VPS26C: variants seen among roughly 807,000 people sequenced by gnomAD.
VPS26C encodes the protein VPS26 endosomal protein sorting factor C.
VPS26C carries 19 observed loss-of-function variants against 30.6 expected under a neutral mutation model. That is an observed-to-expected ratio of 0.62 (90% confidence interval 0.43 to 0.91). The LOEUF (loss-of-function observed/expected upper bound fraction) is 0.91, where lower values mean the gene tolerates loss of function less well. Among genes scored for constraint, VPS26C ranks in the 40% least tolerant of loss-of-function variants. The probability of loss-of-function intolerance (pLI) is 0.00; values close to 1 mark genes in which losing one functional copy is unlikely to be tolerated. For synonymous variants in VPS26C, 132 were observed against 151.5 expected (o/e 0.87, Z 0.95); for missense variants, 318 against 385.1 (o/e 0.83, Z 1.46).
At chr21:37,253,847 T>A (rs2148303174) in intron 1 of VPS26C, among the ~76,000 whole-genome samples, 1 of 152,276 alleles carries the variant, frequency 6.6e-6, no homozygotes. Context: ...GATTTTTGGA[T>A]TAGGGATGCT....
Position 37,228,292 on chromosome 21 carries a change from G to T in VPS26C, c.589C>A (p.Leu197Met). The T allele has an allele frequency of 6.2e-7, 1 of 1,614,162 alleles. No homozygotes were observed. Residue 197 changes from leucine to methionine, a missense_variant, in exon 6 of 8, where the codon CTG (leucine) becomes ATG (methionine). Leu to Met is a conservative substitution (Grantham distance 15). Coordinates refer to ENST00000309117, the MANE Select transcript of VPS26C (RefSeq NM_006052.2). ...CVITQPLTGE[L>M]VVESSEAAIR... ...GCGGCTTCCGAGCTCTCCACCACCAGCTCTCCCGTTAGTGGCTGCGTGATG... is the reference window on the plus strand; with the variant it reads ...GCGGCTTCCGAGCTCTCCACCACCATCTCTCCCGTTAGTGGCTGCGTGATG...
chr21:37,266,792 C>G (rs2086367135), intron 1 of VPS26C: 1 of 194,338 alleles, frequency 5.1e-6, no homozygotes, highest in South Asian at 9.1e-5. Context: ...CCAGACATAC[C>G]CATTTCTGCT....
intron 2 of VPS26C, 79 bp downstream of exon 2, chr21:37,240,417 G>T (rs1317821337): frequency 1.8e-5 from 27 of 1,523,936 alleles, no homozygotes; most frequent in Non-Finnish European, 2.2e-5. Context: ...GAGCCACTGC[G>T]CCTGGCCCTG....
chr21:37,240,667 AAATTAGCATGC>A (rs761619689), intron 1 of VPS26C, 28 bp from the exon 2 acceptor site: 1 of 1,606,556 alleles, frequency 6.2e-7, no homozygotes, highest in South Asian at 1.1e-5. Flanking sequence ...GCCACCAATC[AAATTAGCATGC>A]TTCCTCCATT....
Position 37,265,756 on chromosome 21 carries a change from A to C in VPS26C, c.57+1482T>G, listed in dbSNP as rs569903474. Among the ~76,000 whole-genome samples, 5 of 152,212 alleles carry C rather than the reference A, an allele frequency of 3.3e-5. 1 individual carries two copies. In the South Asian group the frequency reaches 6.2e-4, roughly 19 times the overall value. On this transcript the variant is annotated intron_variant, in intron 1 of 7. Coordinates refer to ENST00000309117, the MANE Select transcript of VPS26C (RefSeq NM_006052.2). ...ATTAAACATTTTTGGCAGGAATACT[A>C]CATAGGTGAGTTGTGGCCTTCTCTG... is the stretch of plus-strand genomic sequence containing the variant.
intron 3 of VPS26C, 93 bp downstream of exon 3, chr21:37,238,367 C>A: frequency 4.9e-6 from 7 of 1,436,536 alleles, no homozygotes; most frequent in African/African-American, 1.4e-5. Flanking sequence ...GTATTAAATT[C>A]TTGGGCCCGT....
intron 3 of VPS26C, chr21:37,238,224 CAG>C (rs2086044945): frequency 2.0e-6 from 1 of 493,634 alleles, no homozygotes; most frequent in Admixed American, 3.9e-5. Context: ...CCAGAAGAAA[CAG>C]AGGGAAAAGA....
At chr21:37,267,429 G>A, upstream of VPS26C, 2 of 739,434 alleles carry the variant, frequency 2.7e-6, no homozygotes, top group Admixed American at 2.3e-5. Context: ...TCGCAGCGGC[G>A]TCGCACACAC....
At chr21:37,264,047 TG>T (rs1448997164) in intron 1 of VPS26C, among the ~76,000 whole-genome samples, 1 of 152,224 alleles carries the variant, frequency 6.6e-6, no homozygotes. Flanking sequence ...CAGTGCTGGC[TG>T]CCTACTCCAC....
At position 37,247,816 on chromosome 21, in the gene VPS26C, G is replaced by C. The variant is rs933058279; in HGVS notation, c.58-7177C>G. ...TTAATATCAGACAATGCTGAATTCC[G>C]AGAATGAAGGATTAAACAAGACAAA... On this transcript the variant is annotated intron_variant, in intron 1 of 7. Transcript: ENST00000309117. Among the ~76,000 whole-genome samples, 10 of 152,240 alleles carry C rather than the reference G, an allele frequency of 6.6e-5. 2 individuals are homozygous for C. In the South Asian group the frequency reaches 2.1e-3, roughly 32 times the overall value.
intron 1 of VPS26C, among the ~76,000 whole-genome samples, chr21:37,247,638 C>T (rs2086150518): frequency 6.6e-6 from 1 of 152,114 alleles, no homozygotes; most frequent in Admixed American, 6.6e-5. Flanking sequence ...AAATTAATGC[C>T]TATTCAAAAA....
At position 37,241,635 on chromosome 21, in the gene VPS26C, T is replaced by C. The variant is rs1246840203; in HGVS notation, c.58-996A>G. Reference sequence around the variant, plus strand: ...GAGTTTGAGACCAGCCTGGGTAACATAGCGAGACTCCATCTCTACAAATAA... The same window carrying C: ...GAGTTTGAGACCAGCCTGGGTAACACAGCGAGACTCCATCTCTACAAATAA... On this transcript the variant is annotated intron_variant, in intron 1 of 7. Coordinates refer to ENST00000309117, the MANE Select transcript of VPS26C (RefSeq NM_006052.2). Among the ~76,000 whole-genome samples, 5 of 151,964 alleles carry C rather than the reference T, an allele frequency of 3.3e-5. No individual in the cohort carries two copies. In the East Asian group the frequency reaches 5.8e-4, roughly 18 times the overall value.
intron 3 of VPS26C, among the ~76,000 whole-genome samples, chr21:37,235,813 T>C (rs1177924954): frequency 6.7e-6 from 1 of 149,452 alleles, no homozygotes; most frequent in African/African-American, 2.5e-5. Context: ...AATACTGGCA[T>C]TTGATACATA....
At chr21:37,250,710 G>A (rs1422936910) in intron 1 of VPS26C, among the ~76,000 whole-genome samples, 1 of 152,010 alleles carries the variant, frequency 6.6e-6, no homozygotes, top group Non-Finnish European at 1.5e-5. Flanking sequence ...GACCAGCCTG[G>A]CCAAGATGTT....
At position 37,248,653 on chromosome 21, in the gene VPS26C, G is replaced by A. The variant is rs536827490; in HGVS notation, c.58-8014C>T. On this transcript the variant is annotated intron_variant, in intron 1 of 7. Transcript: ENST00000309117. Reference sequence around the variant, plus strand: ...ACAGCTTCACAGGAGATCATTCCCTGAATTTTTCTGTGTGAAGAACAGAAA... The same window carrying A: ...ACAGCTTCACAGGAGATCATTCCCTAAATTTTTCTGTGTGAAGAACAGAAA... 3.3e-5 allele frequency among the ~76,000 whole-genome samples: 5 copies of A among 149,386 alleles called. No homozygotes were observed. The South Asian group carries it at 1.1e-3, about 32-fold the overall frequency.
intron 1 of VPS26C, among the ~76,000 whole-genome samples, chr21:37,252,449 G>A (rs181261151): frequency 1.3e-5 from 2 of 152,212 alleles, no homozygotes; most frequent in East Asian, 1.9e-4. Flanking sequence ...TGAAGTTCCA[G>A]GAAAGAGAAT....
intron 1 of VPS26C, among the ~76,000 whole-genome samples, chr21:37,260,736 G>A (rs2086295607): frequency 6.6e-6 from 1 of 152,052 alleles, no homozygotes; most frequent in South Asian, 2.1e-4. Flanking sequence ...TAGGAATTCT[G>A]GAATCTCTAC....
At chr21:37,262,654 C>T (rs2086316609) in intron 1 of VPS26C, among the ~76,000 whole-genome samples, 1 of 152,162 alleles carries the variant, frequency 6.6e-6, no homozygotes, top group African/African-American at 2.4e-5. Context: ...TGTGTGCACA[C>T]GTGTGTCTGG....
chr21:37,267,054 C>G (rs1042802980), intron 1 of VPS26C, 184 bp downstream of exon 1: 1 of 654,602 alleles, frequency 1.5e-6, no homozygotes, highest in Non-Finnish European at 2.8e-6. Flanking sequence ...GGGCAGCCAG[C>G]CTCGCGCGGG....
Sources: allele counts gnomAD v4.1 joint callset (sites outside exome capture counted in the v4.1 genomes callset), GRCh38; gene constraint gnomAD v4.1.1; transcripts MANE v1.5; gene names NCBI Gene and HGNC (gene_info 2026-07-23, HGNC 2026-07-21).